The following SIDT2 variants were observed in gnomAD, a reference collection of about 807,000 sequenced individuals.
The protein encoded by SIDT2 is SID1 transmembrane family, member 2.
A neutral mutation model predicts 114.4 loss-of-function variants in SIDT2; 68 were observed. The ratio of observed to expected loss-of-function variants is 0.59; its 90% confidence interval spans 0.49 to 0.73. The LOEUF is 0.73. SIDT2 is among the 30% of genes least tolerant of loss of function. The pLI is 0.00. For synonymous variants in SIDT2, 470 were observed against 438.4 expected, an observed-to-expected ratio of 1.07 and a Z score of -0.90; for missense variants, 918 against 1,097.1, an observed-to-expected ratio of 0.84 and a Z score of 2.31.
At position 117,182,508 on chromosome 11, in the gene SIDT2, T is replaced by A. The variant is rs2030329234; in HGVS notation, c.517-11T>A. 24 of 1,612,748 alleles carry A rather than the reference T, an allele frequency of 1.5e-5. No individual in the cohort carries two copies. Among genetic ancestry groups the A allele is most frequent in the Non-Finnish European group, 2.0e-5 (24 of 1,178,708 alleles). On this transcript the variant is annotated splice_polypyrimidine_tract_variant and intron_variant, in intron 4 of 25. Coordinates refer to ENST00000324225, the MANE Select transcript of SIDT2 (RefSeq NM_001040455.2). The stretch of plus-strand genomic sequence containing the variant: ...TGAGATGGGGCTCTCCCTTCCTTCC[T>A]GCACCCTCAGTACTTCAAGTATGAG...
chr11:117,181,722 C>T (rs756900169), intron 2 of SIDT2, 85 bp from the exon 3 acceptor site: 163 of 1,589,878 alleles, frequency 1.0e-4, no homozygotes, highest in Non-Finnish European at 1.3e-4. Context: ...GGAGACCAGA[C>T]GGGGCGAGGT....
intron 18 of SIDT2, chr11:117,191,550 C>T (rs1016701151): frequency 3.9e-5 from 11 of 285,288 alleles, no homozygotes; most frequent in Non-Finnish European, 6.0e-5. Flanking sequence ...CACCATTGCA[C>T]GCCAGCCTGG....
In SIDT2 at chr11:117,196,637, C is replaced by G. The variant is rs2030906101; in HGVS notation, c.*571C>G. The G allele has an allele frequency of 6.1e-6, 1 of 163,686 alleles. No homozygotes were observed. The highest frequency in any genetic ancestry group is 1.7e-4 in the South Asian group (1 of 6,058). 10.1% of individuals were successfully genotyped at this position (163,686 alleles called of 1,614,324 possible). ...GATTTTGGGGGTTGGCCAGCTGGTG[C>G]CAGACTTTTGGTGCTAAGGCCTGCA... On this transcript the variant is annotated 3_prime_UTR_variant, in exon 26 of 26. Transcript: ENST00000324225. This position sits in a 1 kb window ranked among gnomAD's most constrained non-coding sequence, Gnocchi z 4.9.
At position 117,190,239 on chromosome 11, in the gene SIDT2, C is replaced by T. The variant is rs757994155; in HGVS notation, c.1567C>T (p.Arg523Trp). The change falls in exon 17 of 26, where the codon CGG becomes TGG. Residue 523 changes from arginine (R) to tryptophan (W), a missense_variant. Arg to Trp is a moderately radical substitution (Grantham distance 101, BLOSUM62 -3). Around this residue, in one of 4 missense-constraint regions of SIDT2, gnomAD observed 72 missense variants for 59.9 expected, o/e 1.20. Coordinates refer to ENST00000324225, the MANE Select transcript of SIDT2 (RefSeq NM_001040455.2). The surrounding 1 kb of genome is among the most constrained non-coding windows in gnomAD (Gnocchi z 4.1). The stretch of plus-strand genomic sequence containing the variant: ...GCTTTTCCTGCTCATCATCCTGCAA[C>T]GGGAGATCAACCACAACCGGGCCCT... Reference protein sequence around the residue: ...GLLFLLIILQREINHNRALLR... With the variant: ...GLLFLLIILQWEINHNRALLR... 14 of 1,575,168 alleles carry T rather than the reference C, an allele frequency of 8.9e-6. No individual in the cohort carries two copies. The highest frequency in any genetic ancestry group is 2.2e-5 in the East Asian group (1 of 44,668).
intron 2 of SIDT2, 109 bp downstream of exon 2, chr11:117,181,646 G>A: frequency 1.3e-6 from 2 of 1,581,962 alleles, no homozygotes; most frequent in African/African-American, 1.3e-5. Context: ...GGGCTGGGAG[G>A]CTGGTCAACA....
At chr11:117,187,004 A>T (rs1393985824) in intron 10 of SIDT2, 1 of 1,449,510 alleles carries the variant, frequency 6.9e-7, no homozygotes, top group Non-Finnish European at 9.2e-7. Flanking sequence ...TCTCCTTGGT[A>T]AGCTCCAGGT....
intron 23 of SIDT2, among the ~76,000 whole-genome samples, 186 bp downstream of exon 23, chr11:117,193,444 G>C (rs1326487056): frequency 6.6e-6 from 1 of 152,188 alleles, no homozygotes; most frequent in Non-Finnish European, 1.5e-5. Context: ...CATTTACTGA[G>C]CCCCTTCCAA....
intron 15 of SIDT2, 29 bp downstream of exon 15, chr11:117,189,430 C>A (rs754610093): frequency 3.7e-6 from 6 of 1,609,564 alleles, no homozygotes; most frequent in Non-Finnish European, 5.1e-6. Flanking sequence ...TTCACCTTTC[C>A]GACAGCCTAG....
At chr11:117,183,431 C>T (rs537927102) in intron 6 of SIDT2, among the ~76,000 whole-genome samples, 7 of 147,992 alleles carry the variant, frequency 4.7e-5, no homozygotes, top group South Asian at 2.2e-4. Context: ...TGAGATCAGG[C>T]GTTCAAGACC....
At chr11:117,193,088 G>A in intron 22 of SIDT2, 65 bp from the exon 23 acceptor site, 9 of 1,529,898 alleles carry the variant, frequency 5.9e-6, no homozygotes, top group Non-Finnish European at 7.3e-6. Flanking sequence ...TGCCTAGGCA[G>A]GGCAGGAAGA....
chr11:117,190,368 G>A lies in SIDT2; in HGVS notation c.1617+79G>A, dbSNP rs1184729103. 15 of 1,512,498 alleles carry A rather than the reference G, an allele frequency of 9.9e-6. No homozygotes were observed. Among genetic ancestry groups the A allele is most frequent in the Non-Finnish European group, 1.3e-5 (15 of 1,132,876 alleles). 93.7% of individuals were successfully genotyped at this position (1,512,498 alleles called of 1,614,324 possible). On this transcript the variant is annotated intron_variant, in intron 17 of 25. Coordinates refer to ENST00000324225, the MANE Select transcript of SIDT2 (RefSeq NM_001040455.2). This position sits in a 1 kb window ranked among gnomAD's most constrained non-coding sequence, Gnocchi z 4.1. Reference sequence around the variant, plus strand: ...GCCTTGGCTCCAGGACACCCTTTTGGGCAGGCCTGGCCCTGCCTTCCCCAG... The same window carrying A: ...GCCTTGGCTCCAGGACACCCTTTTGAGCAGGCCTGGCCCTGCCTTCCCCAG...
chr11:117,179,226 G>GCCGCCA lies in SIDT2; in HGVS notation c.-35_-30dup, dbSNP rs548003514. 7.7e-4 allele frequency: 1,220 copies of GCCGCCA among 1,591,160 alleles called. 10 individuals are homozygous for GCCGCCA. The African/African-American group carries it at 0.015, about 20-fold the overall frequency. On this transcript the variant is annotated 5_prime_UTR_variant, in exon 1 of 26. Transcript: ENST00000324225. ...TGTCCTGTCTCCTGTCGCCGCCGCC[G>GCCGCCA]CCGCCACCACCGCTGCCACTGCCGC...
chr11:117,194,676 T>A (rs898703751), intron 24 of SIDT2, among the ~76,000 whole-genome samples: 1 of 152,084 alleles, frequency 6.6e-6, no homozygotes, highest in Non-Finnish European at 1.5e-5. Context: ...ATGTGATACA[T>A]GAAATGAAGG....
chr11:117,192,852 C>T lies in SIDT2; in HGVS notation c.2091C>T (p.Val697=). The change falls in exon 22 of 26, where the codon GTC becomes GTT. Residue 697 remains valine, a synonymous_variant. Coordinates refer to ENST00000324225, the MANE Select transcript of SIDT2 (RefSeq NM_001040455.2). The surrounding 1 kb of genome is among the most constrained non-coding windows in gnomAD (Gnocchi z 5.9). The stretch of plus-strand genomic sequence containing the variant: ...TGGTGCTGCTGGTCATGGGCAACGT[C>T]ATCAACTGGTCGCTGTGAGTATGGT... ...DRMVLLVMGN[V]INWSLAAYGL... is the part of the protein sequence containing the mutation. The T allele has an allele frequency of 6.2e-7, 1 of 1,614,174 alleles. No homozygotes were observed. Among genetic ancestry groups the T allele is most frequent in the Non-Finnish European group, 8.5e-7 (1 of 1,180,042 alleles).
At chr11:117,187,517 A>G in intron 11 of SIDT2, 68 bp downstream of exon 11, 1 of 1,599,566 alleles carries the variant, frequency 6.3e-7, no homozygotes. Context: ...ACCACCTCCG[A>G]GGCGGTAAAG....
rs76634080 is a variant in SIDT2, at chr11:117,179,294, C to T, written c.31C>T (p.Leu11Phe). 4.3e-6 allele frequency: 7 copies of T among 1,613,984 alleles called. No homozygotes were observed. The highest frequency in any genetic ancestry group is 1.3e-5 in the African/African-American group (1 of 75,058). Reference sequence around the variant, plus strand: ...CGCTCTGGGCTTGCCCTTCTTGGTGCTCTTGGTGGCCTCGGTCGAGAGCCA... The same window carrying T: ...CGCTCTGGGCTTGCCCTTCTTGGTGTTCTTGGTGGCCTCGGTCGAGAGCCA... MFALGLPFLV[L>F]LVASVESHLG... Residue 11 changes from leucine (L) to phenylalanine (F), a missense_variant, in exon 1 of 26, where the codon CTC becomes TTC. Leu to Phe is a conservative substitution (Grantham distance 22). Around this residue, in one of 4 missense-constraint regions of SIDT2, gnomAD observed 553 missense variants for 600.1 expected, o/e 0.92. Coordinates refer to ENST00000324225, the MANE Select transcript of SIDT2 (RefSeq NM_001040455.2).
chr11:117,182,088 A>C lies in SIDT2; in HGVS notation c.499A>C (p.Thr167Pro). The C allele has an allele frequency of 6.2e-7, 1 of 1,613,976 alleles. No homozygotes were observed. Among genetic ancestry groups the C allele is most frequent in the Non-Finnish European group, 8.5e-7 (1 of 1,180,014 alleles). The change falls in exon 4 of 26, where the codon ACA becomes CCA. Residue 167 changes from threonine (T) to proline (P), a missense_variant. Physicochemically the swap from Thr to Pro is conservative, Grantham distance 38 (BLOSUM62 -1). Transcript: ENST00000324225. Reference sequence around the variant, plus strand: ...TGGGGAGCAGTTCAGCTTCAATACCACAGCAGCACAGCCCCAGGTAACATC... The same window carrying C: ...TGGGGAGCAGTTCAGCTTCAATACCCCAGCAGCACAGCCCCAGGTAACATC... ...RTGEQFSFNT[T>P]AAQPQYFKYE... is the part of the protein sequence containing the mutation.
Position 117,190,147 on chromosome 11 carries a change from C to T in SIDT2, c.1494-19C>T, listed in dbSNP as rs1669372531. 1 of 1,597,602 alleles carries T rather than the reference C, an allele frequency of 6.3e-7. No homozygotes were observed. The highest frequency in any genetic ancestry group is 1.1e-5 in the South Asian group (1 of 88,546). ...TGGGTGTGAGTCCCAAGCAGTCTGC[C>T]TTGTGTTGCCCCTTCTAGCGCCTTC... On this transcript the variant is annotated intron_variant, in intron 16 of 25. Transcript: ENST00000324225. The surrounding 1 kb of genome is among the most constrained non-coding windows in gnomAD (Gnocchi z 4.1).
In SIDT2 at chr11:117,196,721, T is replaced by G. The variant is rs1049939771; in HGVS notation, c.*655T>G. Reference sequence around the variant, plus strand: ...TGACCTGTGCTCAGGGCTGGCTCTTTAGCAATGCGCTCAGCCCAATTTGAG... The same window carrying G: ...TGACCTGTGCTCAGGGCTGGCTCTTGAGCAATGCGCTCAGCCCAATTTGAG... On this transcript the variant is annotated 3_prime_UTR_variant, in exon 26 of 26. Coordinates refer to ENST00000324225, the MANE Select transcript of SIDT2 (RefSeq NM_001040455.2). This position sits in a 1 kb window ranked among gnomAD's most constrained non-coding sequence, Gnocchi z 4.9. 1 of 153,504 alleles carries G rather than the reference T, an allele frequency of 6.5e-6. No individual in the cohort carries two copies. 9.5% of individuals were successfully genotyped at this position (153,504 alleles called of 1,614,324 possible).
Sources: gnomAD v4.1 joint callset for allele counts (sites outside exome capture counted in the v4.1 genomes callset) on GRCh38, gnomAD v4.1.1 for gene constraint, gnomAD v4.1.1 regional missense constraint, Gnocchi (gnomAD v3.1) non-coding constraint, MANE v1.5 for transcripts, NCBI Gene and HGNC (gene_info 2026-07-23, HGNC 2026-07-21) for gene names.